Variants in EPHA6 observed in about 807,000 individuals in gnomAD.
EPHA6 encodes ephrin type-A receptor 6.
In EPHA6, 50 loss-of-function variants were observed where a neutral mutation model predicts 112.0. The observed-to-expected ratio is 0.45, with a 90% CI of 0.36 to 0.56. The LOEUF (loss-of-function observed/expected upper bound fraction) is 0.56. Ranked by LOEUF, EPHA6 falls within the 20% of genes least tolerant of loss-of-function variation. The pLI is 0.00. For synonymous variants in EPHA6, 529 were observed against 490.7 expected (o/e 1.08, Z -1.03); for missense variants, 1,280 against 1,417.4 (o/e 0.90, Z 1.56).
chr3:97,402,586 G>A (rs759551038), intron 5 of EPHA6, among the ~76,000 whole-genome samples: 60 of 151,770 alleles, frequency 4.0e-4, no homozygotes, highest in Middle Eastern at 3.4e-3. Flanking sequence ...TTTTTTAAGC[G>A]GTCTTGTTGT....
At chr3:97,322,511 C>A (rs2082168686) in intron 5 of EPHA6, among the ~76,000 whole-genome samples, 1 of 151,870 alleles carries the variant, frequency 6.6e-6, no homozygotes, top group Non-Finnish European at 1.5e-5. Context: ...AAACTATGAT[C>A]TGGGTTTCGT....
chr3:97,014,032 A>G (rs1018993988), intron 3 of EPHA6, among the ~76,000 whole-genome samples: 6 of 152,080 alleles, frequency 3.9e-5, no homozygotes, highest in African/African-American at 1.4e-4. Flanking sequence ...TGAATGGTGA[A>G]TATTTTATCA....
chr3:97,010,983 T>C (rs1412990762), intron 3 of EPHA6, among the ~76,000 whole-genome samples: 1 of 152,224 alleles, frequency 6.6e-6, no homozygotes, highest in Non-Finnish European at 1.5e-5. Flanking sequence ...GTGGTGCGTG[T>C]GTGTGTGTGT....
At chr3:97,236,136 C>T (rs577795283) in intron 4 of EPHA6, among the ~76,000 whole-genome samples, 4 of 151,920 alleles carry the variant, frequency 2.6e-5, no homozygotes, top group Admixed American at 2.6e-4. Context: ...TTAGGGCTGC[C>T]TCTGGGAGCA....
chr3:97,719,244 A>T (rs2034401934), intron 14 of EPHA6, among the ~76,000 whole-genome samples: 1 of 152,000 alleles, frequency 6.6e-6, no homozygotes, highest in Admixed American at 6.6e-5. Flanking sequence ...ACAGTGGGTG[A>T]TCAGATTATG....
intron 13 of EPHA6, among the ~76,000 whole-genome samples, chr3:97,617,548 C>G (rs1294090718): frequency 6.6e-6 from 1 of 151,996 alleles, no homozygotes; most frequent in Non-Finnish European, 1.5e-5. Flanking sequence ...CACTCACATG[C>G]AGTAACACAG....
At chr3:97,573,946 C>T (rs1410675820) in intron 11 of EPHA6, among the ~76,000 whole-genome samples, 1 of 151,774 alleles carries the variant, frequency 6.6e-6, no homozygotes, top group Non-Finnish European at 1.5e-5. Flanking sequence ...TAGAATAGTT[C>T]CAGAATGTCC....
At chr3:97,539,050 T>G (rs1359870294) in intron 11 of EPHA6, among the ~76,000 whole-genome samples, 2 of 146,532 alleles carry the variant, frequency 1.4e-5, no homozygotes, top group Admixed American at 6.7e-5. Flanking sequence ...TTTCTTTCTT[T>G]CTTTTTCTCT....
At chr3:97,195,450 G>T (rs1410921036) in intron 3 of EPHA6, among the ~76,000 whole-genome samples, 1 of 151,876 alleles carries the variant, frequency 6.6e-6, no homozygotes, top group Non-Finnish European at 1.5e-5. Context: ...TATTGTTAAT[G>T]TCTTGAAAGT....
chr3:97,165,896 G>C (rs2076530782), intron 3 of EPHA6, among the ~76,000 whole-genome samples: 1 of 152,098 alleles, frequency 6.6e-6, no homozygotes, highest in African/African-American at 2.4e-5. Flanking sequence ...ATTGTGTCTT[G>C]TCCCTACAAA....
At chr3:97,521,378 A>G (rs2092540066) in intron 10 of EPHA6, among the ~76,000 whole-genome samples, 1 of 152,128 alleles carries the variant, frequency 6.6e-6, no homozygotes, top group South Asian at 2.1e-4. Context: ...TGGGTAATTC[A>G]TAAAGGAAAG....
chr3:96,927,216 G>A (rs1185798898), intron 2 of EPHA6, among the ~76,000 whole-genome samples: 1 of 152,192 alleles, frequency 6.6e-6, no homozygotes, highest in Non-Finnish European at 1.5e-5. Flanking sequence ...GAGCAGTTAG[G>A]ATGCAGGGCT....
chr3:97,727,885 A>C (rs2034846150), intron 15 of EPHA6, among the ~76,000 whole-genome samples: 1 of 152,058 alleles, frequency 6.6e-6, no homozygotes, highest in Non-Finnish European at 1.5e-5. Context: ...ATCATAATTC[A>C]AATAAGTTTC....
At chr3:97,459,532 C>G (rs1408353956) in intron 7 of EPHA6, among the ~76,000 whole-genome samples, 1 of 152,148 alleles carries the variant, frequency 6.6e-6, no homozygotes, top group Admixed American at 6.5e-5. Context: ...CCATCCTTAC[C>G]TTGCTACTGA....
intron 3 of EPHA6, among the ~76,000 whole-genome samples, chr3:97,053,220 TAGG>T (rs2045742551): frequency 6.6e-6 from 1 of 152,028 alleles, no homozygotes; most frequent in Admixed American, 6.6e-5. Context: ...AATAAACGAC[TAGG>T]AGTATAGAGC....
chr3:97,479,918 ACTT>A (rs1349464389), intron 9 of EPHA6, among the ~76,000 whole-genome samples: 4 of 152,060 alleles, frequency 2.6e-5, no homozygotes, highest in African/African-American at 7.2e-5. Flanking sequence ...ATAACTGACA[ACTT>A]CTCCTCCTCA....
intron 1 of EPHA6, among the ~76,000 whole-genome samples, chr3:96,858,023 A>G (rs1458482575): frequency 6.6e-6 from 1 of 152,032 alleles, no homozygotes; most frequent in East Asian, 1.9e-4. Flanking sequence ...ACTAGAGTAT[A>G]GGTAATATTT....
chr3:96,908,511 T>C (rs969414618), intron 2 of EPHA6, among the ~76,000 whole-genome samples: 140 of 152,030 alleles, frequency 9.2e-4, no homozygotes, highest in African/African-American at 3.2e-3. Context: ...GGATAGCTTA[T>C]TATTAGTTCT....
intron 3 of EPHA6, among the ~76,000 whole-genome samples, chr3:97,076,154 G>A (rs1233944301): frequency 6.6e-6 from 1 of 152,102 alleles, no homozygotes; most frequent in Non-Finnish European, 1.5e-5. Context: ...GGCTTAATGA[G>A]GAAGGCATGT....
Sources: allele counts gnomAD v4.1 joint callset (sites outside exome capture counted in the v4.1 genomes callset), GRCh38; gene constraint gnomAD v4.1.1; transcripts MANE v1.5; gene names NCBI Gene and HGNC (gene_info 2026-07-23, HGNC 2026-07-21).